The following FRMPD4 variants were observed in gnomAD, a reference collection of about 807,000 sequenced individuals.
FRMPD4 encodes the protein FERM and PDZ domain containing 4, also known as FERM and PDZ domain-containing protein 4.
A neutral mutation model predicts 94.1 loss-of-function variants in FRMPD4; 22 were observed. That is an observed-to-expected ratio of 0.23 (90% CI 0.17 to 0.33). The LOEUF (loss-of-function observed/expected upper bound fraction) is 0.33, where lower values mean the gene tolerates loss of function less well. Ranked by LOEUF, FRMPD4 falls within the 10% of genes least tolerant of loss-of-function variation. The probability of loss-of-function intolerance (pLI) is 1.00; values close to 1 mark genes in which losing one functional copy is unlikely to be tolerated. For synonymous variants in FRMPD4, 631 were observed against 548.6 expected (o/e 1.15, Z -2.10); for missense variants, 1,111 against 1,339.9 (o/e 0.83, Z 2.67).
At chrX:12,065,628 C>T (rs2054914327) in intron 3 of FRMPD4, among the ~76,000 whole-genome samples, 2 of 111,876 alleles carry the variant, frequency 1.8e-5, no homozygotes, top group South Asian at 7.6e-4. Flanking sequence ...CCTACTGTGG[C>T]TGTTCTTGTT....
chrX:12,383,100 G>A (rs754738193), intron 1 of FRMPD4, among the ~76,000 whole-genome samples: 52 of 111,831 alleles, frequency 4.6e-4, no homozygotes, highest in African/African-American at 1.7e-3. Flanking sequence ...CAGTGAGTAG[G>A]ATAGCTCCTT....
At chrX:12,461,905 T>C (rs1269538183) in intron 1 of FRMPD4, among the ~76,000 whole-genome samples, 2 of 111,713 alleles carry the variant, frequency 1.8e-5, no homozygotes, top group African/African-American at 3.3e-5. Context: ...GGTGAAATAA[T>C]ACCATGGTAA....
intron 5 of FRMPD4, among the ~76,000 whole-genome samples, chrX:12,679,653 G>A (rs1032334685): frequency 1.8e-5 from 2 of 111,400 alleles, no homozygotes; most frequent in Non-Finnish European, 3.8e-5. Context: ...TTTGAATTTT[G>A]AAAACTTACA....
intron 3 of FRMPD4, chrX:12,054,882 T>A (rs2147455436): frequency 8.9e-6 from 1 of 111,912 alleles, no homozygotes; most frequent in South Asian, 3.8e-4. Context: ...AGGAGTTTAA[T>A]CTGTGAACAG....
rs1034532366 is a variant in FRMPD4, at chrX:12,302,048, G to GAAAT, written c.41+163038_41+163041dup. On this transcript the variant is annotated intron_variant, in intron 1 of 16. Coordinates refer to ENST00000675598, the MANE Select transcript of FRMPD4 (RefSeq NM_001368397.1). ...CAAAATGGAAGCAGCTGGAAAGAAG[G>GAAAT]AAATAGGAAACAGCCCAAGATAGCC... Among the ~76,000 whole-genome samples, 3 of 112,125 alleles carry GAAAT rather than the reference G, an allele frequency of 2.7e-5. No individual in the cohort carries two copies. The Admixed American group carries it at 2.8e-4, about 11-fold the overall frequency.
intron 1 of FRMPD4, among the ~76,000 whole-genome samples, chrX:12,209,939 G>A (rs1170370012): frequency 9.0e-6 from 1 of 111,185 alleles, no homozygotes; most frequent in Non-Finnish European, 1.9e-5. Flanking sequence ...GAGCCTTCTC[G>A]GTATCAGATG....
intron 3 of FRMPD4, among the ~76,000 whole-genome samples, chrX:11,883,635 C>A (rs1247994505): frequency 8.9e-6 from 1 of 111,848 alleles, no homozygotes; most frequent in Admixed American, 9.5e-5. Context: ...CAGCCATAAG[C>A]AAATTCTAGG....
intron 7 of FRMPD4, among the ~76,000 whole-genome samples, chrX:12,687,589 C>A (rs1602324341): frequency 9.0e-6 from 1 of 111,449 alleles, no homozygotes; most frequent in East Asian, 2.8e-4. Flanking sequence ...CTCAAAGGAC[C>A]CACAGAACTC....
chrX:12,534,128 A>C (rs1186657961), intron 2 of FRMPD4, among the ~76,000 whole-genome samples: 2 of 113,075 alleles, frequency 1.8e-5, no homozygotes, highest in Admixed American at 9.3e-5. Flanking sequence ...CTTGGCTGAA[A>C]GGGGCCAATG....
chrX:12,200,032 A>G (rs1178839657), intron 1 of FRMPD4, among the ~76,000 whole-genome samples: 2 of 111,203 alleles, frequency 1.8e-5, no homozygotes, highest in Non-Finnish European at 3.8e-5. Flanking sequence ...TATCTCAAGC[A>G]GTGATCTTAG....
At chrX:11,823,041 C>G (rs1360413281) in intron 1 of FRMPD4, among the ~76,000 whole-genome samples, 1 of 110,857 alleles carries the variant, frequency 9.0e-6, no homozygotes, top group Non-Finnish European at 1.9e-5. Flanking sequence ...GAGACAATTT[C>G]CAGGAAACTA....
At chrX:12,312,284 G>A (rs1345696347) in intron 1 of FRMPD4, among the ~76,000 whole-genome samples, 136 of 77,608 alleles carry the variant, frequency 1.8e-3, no homozygotes, top group Non-Finnish European at 2.3e-3. Context: ...ATGGAGTCTC[G>A]CTCTGTTGCC....
intron 1 of FRMPD4, among the ~76,000 whole-genome samples, chrX:12,441,586 C>T (rs2057137042): frequency 9.0e-6 from 1 of 111,654 alleles, no homozygotes; most frequent in African/African-American, 3.3e-5. Context: ...TTGCCACTGC[C>T]TTCTGCATTA....
At chrX:12,216,533 A>C (rs907616696) in intron 1 of FRMPD4, among the ~76,000 whole-genome samples, 54 of 111,868 alleles carry the variant, frequency 4.8e-4, no homozygotes, top group African/African-American at 1.5e-3. Flanking sequence ...TTATAAGAAG[A>C]GTATGGTAGA....
chrX:11,873,578 G>A lies in FRMPD4; in HGVS notation c.-29-4317G>A, dbSNP rs138629512. Among the ~76,000 whole-genome samples the A allele has an allele frequency of 7.6e-3, 837 of 110,307 alleles. 3 individuals carry two copies. The highest frequency in any genetic ancestry group is 0.014 in the Middle Eastern group (3 of 217). On this transcript the variant is annotated intron_variant, in intron 2 of 18. Coordinates refer to the FRMPD4 transcript ENST00000640291. ...TGAAAACTATAAAATATTGCTGAGG[G>A]AAACTAAAGAAGAACTAAACAGAGT...
intron 1 of FRMPD4, among the ~76,000 whole-genome samples, chrX:12,424,859 T>A (rs2056927036): frequency 8.9e-6 from 1 of 112,884 alleles, no homozygotes; most frequent in African/African-American, 3.2e-5. Flanking sequence ...AAATAAAGAT[T>A]ATAATTTCAG....
chrX:12,110,924 C>T (rs1182660364), intron 3 of FRMPD4, among the ~76,000 whole-genome samples: 6 of 111,183 alleles, frequency 5.4e-5, no homozygotes, highest in South Asian at 3.8e-4. Context: ...TAAAAGAGGA[C>T]ACAAACAAAT....
chrX:12,714,651 C>A lies in FRMPD4; in HGVS notation c.1610-1418C>A, dbSNP rs189253892. 1.5e-3 allele frequency among the ~76,000 whole-genome samples: 166 copies of A among 111,185 alleles called. 1 individual carries two copies. The highest frequency in any genetic ancestry group is 5.1e-3 in the African/African-American group (156 of 30,552). On this transcript the variant is annotated intron_variant, in intron 14 of 16. Transcript: ENST00000675598. ...TTGGCCCACAAAACCAAAATATTTA[C>A]TATCTGGGCCTCCCTTTACAGAAAA... is the stretch of plus-strand genomic sequence containing the variant.
At chrX:12,562,250 CT>C (rs2058666830) in intron 2 of FRMPD4, among the ~76,000 whole-genome samples, 1 of 112,591 alleles carries the variant, frequency 8.9e-6, no homozygotes, top group South Asian at 3.6e-4. Flanking sequence ...CTTAAAAATA[CT>C]TTTTTCTTAA....
Sources: gnomAD v4.1 joint callset for allele counts (sites outside exome capture counted in the v4.1 genomes callset) on GRCh38, gnomAD v4.1.1 for gene constraint, MANE v1.5 for transcripts, NCBI Gene and HGNC (gene_info 2026-07-23, HGNC 2026-07-21) for gene names.